The following PKHD1L1 variants were observed in gnomAD, a reference collection of about 807,000 sequenced individuals.
The protein encoded by PKHD1L1 is PKHD1 like 1.
Under a neutral mutation model 462.9 loss-of-function variants are expected in PKHD1L1, and 434 were observed. That is an observed-to-expected ratio of 0.94 (90% CI 0.87 to 1.02). PKHD1L1 has a LOEUF of 1.02. Ranked by LOEUF, PKHD1L1 falls within the 50% of genes least tolerant of loss-of-function variation. The probability of loss-of-function intolerance (pLI) is 0.00; values close to 1 mark genes in which losing one functional copy is unlikely to be tolerated. For synonymous variants in PKHD1L1, 1,781 were observed against 1,750.0 expected (o/e 1.02, Z -0.44); for missense variants, 5,202 against 5,096.1 (o/e 1.02, Z -0.63).
At chr8:109,492,935 T>C (rs777860564) in intron 62 of PKHD1L1, among the ~76,000 whole-genome samples, 1 of 151,788 alleles carries the variant, frequency 6.6e-6, no homozygotes, top group Non-Finnish European at 1.5e-5. Flanking sequence ...CTAACCTACT[T>C]TGTGATTATA....
At position 109,489,935 on chromosome 8, in the gene PKHD1L1, A is replaced by C. The variant is rs780510588; in HGVS notation, c.9881-17A>C. 6.7e-7 allele frequency: 1 copy of C among 1,487,752 alleles called. No individual in the cohort carries two copies. The highest frequency in any genetic ancestry group is 9.3e-7 in the Non-Finnish European group (1 of 1,074,824). The allele number at this position is 1,487,752 out of a possible 1,614,324, so 92.2% of individuals were successfully genotyped here. On this transcript the variant is annotated splice_polypyrimidine_tract_variant and intron_variant, in intron 59 of 77. Coordinates refer to ENST00000378402, the MANE Select transcript of PKHD1L1 (RefSeq NM_177531.6). ...CTGTTTTAAGAAAAACAAATTTTAAATCTTTCCCTACCTTAGGAAATGCAA... is the reference window on the plus strand; with the variant it reads ...CTGTTTTAAGAAAAACAAATTTTAACTCTTTCCCTACCTTAGGAAATGCAA...
intron 18 of PKHD1L1, 77 bp from the exon 19 acceptor site, chr8:109,409,788 G>A (rs983294333): frequency 7.9e-6 from 5 of 634,452 alleles, no homozygotes; most frequent in African/African-American, 3.8e-5. Context: ...AAACTAATTA[G>A]TAGAATCAGT....
At position 109,485,142 on chromosome 8, in the gene PKHD1L1, T is replaced by G. The variant is rs1467398537; in HGVS notation, c.9675T>G (p.Ile3225Met). 5 of 1,595,596 alleles carry G rather than the reference T, an allele frequency of 3.1e-6. No individual in the cohort carries two copies. In the South Asian group the frequency reaches 4.6e-5, roughly 15 times the overall value. ...VKILHDHKIL[I>M]LNDSLSYTHF... ...TCCTGCATGATCATAAAATTCTCAT[T>G]CTTAATGATAGCCTTTCCTATACTC... The change falls in exon 58 of 78, where the codon ATT becomes ATG. Residue 3225 changes from isoleucine to methionine, a missense_variant. This residue lies in a region of PKHD1L1 where 4,497 missense variants were observed against 4,336.8 expected (regional missense o/e 1.04). Transcript: ENST00000378402.
intron 12 of PKHD1L1, 54 bp downstream of exon 12, chr8:109,398,602 A>G: frequency 1.4e-6 from 1 of 723,168 alleles, no homozygotes; most frequent in Non-Finnish European, 2.1e-6. Flanking sequence ...AAAAGAATAT[A>G]TTAGTAAAAA....
chr8:109,487,366 T>C (rs996384930), intron 59 of PKHD1L1, among the ~76,000 whole-genome samples: 5 of 151,938 alleles, frequency 3.3e-5, no homozygotes, highest in African/African-American at 1.2e-4. Context: ...ATATCAGACC[T>C]AAAAATGTTA....
At chr8:109,490,389 T>C (rs1408757300) in intron 60 of PKHD1L1, among the ~76,000 whole-genome samples, 1 of 151,462 alleles carries the variant, frequency 6.6e-6, no homozygotes, top group Non-Finnish European at 1.5e-5. Flanking sequence ...GAGTATTGCT[T>C]AAATTTCTCA....
rs543173813 is a variant in PKHD1L1 at position 109,499,023 on chromosome 8, G to T, written c.10828+252G>T. ...ACAACAACAAAACACTGGCATTTGT[G>T]ATTTAATATTAATTTGTATAATTTG... On this transcript the variant is annotated intron_variant, in intron 67 of 77. Coordinates refer to ENST00000378402, the MANE Select transcript of PKHD1L1 (RefSeq NM_177531.6). 4 of 432,576 alleles carry T rather than the reference G, an allele frequency of 9.2e-6. No homozygotes were observed. The East Asian group carries it at 1.6e-4, about 17-fold the overall frequency. 26.8% of individuals were successfully genotyped at this position (432,576 alleles called of 1,614,324 possible).
chr8:109,498,553 G>A lies in PKHD1L1; in HGVS notation c.10691G>A (p.Arg3564Gln), dbSNP rs201721695. 26 of 1,612,992 alleles carry A rather than the reference G, an allele frequency of 1.6e-5. No homozygotes were observed. The highest frequency in any genetic ancestry group is 6.6e-5 in the South Asian group (6 of 91,076). The change falls in exon 66 of 78, where the codon CGG becomes CAG. Residue 3564 changes from arginine (R) to glutamine (Q), a missense_variant. Physicochemically the swap from Arg to Gln is conservative, Grantham distance 43. Around this residue, in one of 3 missense-constraint regions of PKHD1L1, gnomAD observed 4,497 missense variants for 4,336.8 expected, o/e 1.04. Coordinates refer to ENST00000378402, the MANE Select transcript of PKHD1L1 (RefSeq NM_177531.6). The stretch of plus-strand genomic sequence containing the variant: ...AATATTGAACTCACTGCTGCTCATC[G>A]GAGTCCTAGATCTCCATCAGGTGAA... Reference protein sequence around the residue: ...DPNIELTAAHRSPRSPSGGRS... With the variant: ...DPNIELTAAHQSPRSPSGGRS...
intron 76 of PKHD1L1, among the ~76,000 whole-genome samples, 170 bp downstream of exon 76, chr8:109,523,556 T>C (rs1287198785): frequency 6.6e-6 from 1 of 152,150 alleles, no homozygotes; most frequent in African/African-American, 2.4e-5. Flanking sequence ...AAGAATAGAT[T>C]TCATATGTGA....
At chr8:109,408,302 C>CA (rs1813668102) in intron 18 of PKHD1L1, 96 bp downstream of exon 18, 75 of 1,114,754 alleles carry the variant, frequency 6.7e-5, no homozygotes, top group South Asian at 1.3e-4. Context: ...GATGTTACTT[C>CA]AAAAAAAATC....
At chr8:109,474,651 T>G (rs1295785005) in intron 50 of PKHD1L1, among the ~76,000 whole-genome samples, 1 of 152,132 alleles carries the variant, frequency 6.6e-6, no homozygotes, top group Non-Finnish European at 1.5e-5. Context: ...TAATAAAGAA[T>G]CAGAGCTTAT....
At position 109,461,786 on chromosome 8, in the gene PKHD1L1, C is replaced by T. The variant is rs1563571001; in HGVS notation, c.7261C>T (p.Gln2421Ter). The change falls in exon 48 of 78, where the codon CAG becomes TAG. Residue 2421 changes from glutamine to a stop codon, truncating the protein, a stop_gained. Coordinates refer to ENST00000378402, the MANE Select transcript of PKHD1L1 (RefSeq NM_177531.6). LOFTEE classifies it high-confidence loss of function. ...CTGTTTTGAAGGAGAATTTGCTACACAGACCTGTCTCCAAGGAAAGTTTGG... is the reference window on the plus strand; with the variant it reads ...CTGTTTTGAAGGAGAATTTGCTACATAGACCTGTCTCCAAGGAAAGTTTGG... ...DGFDTGEFAT[Q>*]TCLQGKFGEE... is the part of the protein sequence containing the mutation. 2.5e-6 allele frequency: 4 copies of T among 1,609,196 alleles called. No homozygotes were observed. The highest frequency in any genetic ancestry group is 3.4e-6 in the Non-Finnish European group (4 of 1,177,616).
At chr8:109,514,042 C>T (rs1406372853) in intron 71 of PKHD1L1, among the ~76,000 whole-genome samples, 1 of 152,102 alleles carries the variant, frequency 6.6e-6, no homozygotes, top group Non-Finnish European at 1.5e-5. Context: ...TCACCATGGC[C>T]TGTGAGGCCC....
chr8:109,409,255 C>CT (rs894885569), intron 18 of PKHD1L1, among the ~76,000 whole-genome samples: 50 of 145,252 alleles, frequency 3.4e-4, no homozygotes, highest in Admixed American at 1.0e-3. Flanking sequence ...TGCATGTAAC[C>CT]TTTTTTTTTT....
In PKHD1L1 at chr8:109,382,516, T is replaced by C. The variant is rs1191967461; in HGVS notation, c.362T>C (p.Val121Ala). 2.5e-6 allele frequency: 4 copies of C among 1,612,686 alleles called. No homozygotes were observed. Among genetic ancestry groups the C allele is most frequent in the Non-Finnish European group, 2.5e-6 (3 of 1,179,282 alleles). Residue 121 changes from valine to alanine, a missense_variant, in exon 4 of 78, where the codon GTT (valine) becomes GCT (alanine). By Grantham distance (64) the Val-to-Ala change is moderately conservative. Coordinates refer to ENST00000378402, the MANE Select transcript of PKHD1L1 (RefSeq NM_177531.6). ...TVRVSVDGVPVTENNTCKGHI... is the reference protein window; with the variant it reads ...TVRVSVDGVPATENNTCKGHI... ...AGAGTCAGTGTGGACGGGGTTCCTGTTACGGAAAATAACACCTGCAAAGGT... is the reference window on the plus strand; with the variant it reads ...AGAGTCAGTGTGGACGGGGTTCCTGCTACGGAAAATAACACCTGCAAAGGT...
chr8:109,460,047 C>T (rs1157066456), intron 47 of PKHD1L1, among the ~76,000 whole-genome samples: 1 of 151,686 alleles, frequency 6.6e-6, no homozygotes, highest in African/African-American at 2.4e-5. Context: ...TTGTGAGTAA[C>T]ATGAAGATAT....
chr8:109,510,685 T>G (rs1819924717), intron 70 of PKHD1L1, 92 bp from the exon 71 acceptor site: 1 of 1,445,258 alleles, frequency 6.9e-7, no homozygotes, highest in South Asian at 1.4e-5. Context: ...ACTTGACCAC[T>G]GCAATTTATT....
intron 2 of PKHD1L1, among the ~76,000 whole-genome samples, chr8:109,369,896 G>A (rs1811411089): frequency 6.6e-6 from 1 of 152,066 alleles, no homozygotes; most frequent in South Asian, 2.1e-4. Context: ...ATGTGAAATT[G>A]GTATTTATAT....
intron 67 of PKHD1L1, among the ~76,000 whole-genome samples, chr8:109,500,673 C>CAAAAAAAAAAAAAAAAAA (rs34827783): frequency 4.2e-5 from 2 of 47,188 alleles, no homozygotes; most frequent in African/African-American, 1.6e-4. Flanking sequence ...AACTCTGTCT[C>CAAAAAAAAAAAAAAAAAA]AAAAAAAAAA....
Sources: allele counts gnomAD v4.1 joint callset (sites outside exome capture counted in the v4.1 genomes callset), GRCh38; gene constraint gnomAD v4.1.1; regional missense constraint gnomAD v4.1.1; transcripts MANE v1.5; gene names NCBI Gene and HGNC (gene_info 2026-07-23, HGNC 2026-07-21).